Variants in ATF7IP2 observed in about 807,000 individuals in gnomAD.
ATF7IP2 encodes the protein activating transcription factor 7 interacting protein 2, also known as activating transcription factor 7-interacting protein 2.
Under a neutral mutation model 64.2 loss-of-function variants are expected in ATF7IP2, and 42 were observed. The observed-to-expected ratio is 0.65, with a 90% CI of 0.51 to 0.85. The LOEUF is 0.85. Among genes scored for constraint, ATF7IP2 ranks in the 40% least tolerant of loss-of-function variants. The pLI is 0.00. For synonymous variants in ATF7IP2, 308 were observed against 272.8 expected, an observed-to-expected ratio of 1.13 and a Z score of -1.27; for missense variants, 933 against 784.2, an observed-to-expected ratio of 1.19 and a Z score of -2.27.
At chr16:10,431,519 A>G (rs1278681103) in intron 5 of ATF7IP2, 64 bp downstream of exon 5, 1 of 1,126,856 alleles carries the variant, frequency 8.9e-7, no homozygotes, top group Non-Finnish European at 1.3e-6. Context: ...AGGGTATTTT[A>G]AAGTCTCAAA....
At chr16:10,393,646 G>C (rs1275900723) in intron 1 of ATF7IP2, among the ~76,000 whole-genome samples, 1 of 152,128 alleles carries the variant, frequency 6.6e-6, no homozygotes, top group Non-Finnish European at 1.5e-5. Context: ...TGCTCGGTAG[G>C]TTAGTTGTAC....
At chr16:10,403,601 G>A (rs1056845499) in intron 1 of ATF7IP2, among the ~76,000 whole-genome samples, 9 of 152,162 alleles carry the variant, frequency 5.9e-5, no homozygotes, top group African/African-American at 2.2e-4. Flanking sequence ...GAATTCCTTA[G>A]CAACAGATTC....
chr16:10,430,463 G>T, intron 4 of ATF7IP2, 148 bp from the exon 5 acceptor site: 1 of 568,490 alleles, frequency 1.8e-6, no homozygotes, highest in Non-Finnish European at 3.1e-6. Context: ...TCATGAAAAT[G>T]GATATGATTT....
intron 1 of ATF7IP2, among the ~76,000 whole-genome samples, chr16:10,405,319 G>A (rs1171815032): frequency 6.6e-6 from 1 of 151,606 alleles, no homozygotes; most frequent in African/African-American, 2.4e-5. Context: ...GCAGTGAGCC[G>A]AGATCATACC....
intron 9 of ATF7IP2, among the ~76,000 whole-genome samples, chr16:10,469,566 GA>G (rs2049711092): frequency 6.6e-6 from 1 of 152,090 alleles, no homozygotes; most frequent in Non-Finnish European, 1.5e-5. Context: ...ACATCACATA[GA>G]AAGGAACAGA....
intron 1 of ATF7IP2, among the ~76,000 whole-genome samples, chr16:10,408,830 G>A (rs111975471): frequency 3.9e-5 from 6 of 152,306 alleles, no homozygotes; most frequent in African/African-American, 1.2e-4. Context: ...CTGTGCAGAA[G>A]CTCTTTAGTT....
chr16:10,400,399 AAG>A (rs1220849468), intron 1 of ATF7IP2, among the ~76,000 whole-genome samples: 2 of 152,148 alleles, frequency 1.3e-5, no homozygotes, highest in Non-Finnish European at 2.9e-5. Context: ...AGTTTTTTGG[AAG>A]AGTCTTCAGG....
chr16:10,386,736 C>T (rs560233631), intron 1 of ATF7IP2: 2 of 152,296 alleles, frequency 1.3e-5, no homozygotes, highest in South Asian at 2.1e-4. Context: ...AAGACGATTT[C>T]CTTAAGGTAG....
intron 8 of ATF7IP2, among the ~76,000 whole-genome samples, chr16:10,442,004 T>A (rs1267339596): frequency 1.3e-5 from 2 of 152,256 alleles, no homozygotes; most frequent in African/African-American, 4.8e-5. Flanking sequence ...TTATTCCTAA[T>A]GCTGTTCCTG....
intron 12 of ATF7IP2, among the ~76,000 whole-genome samples, chr16:10,479,608 A>G (rs999293925): frequency 9.2e-5 from 14 of 152,034 alleles, no homozygotes; most frequent in Non-Finnish European, 1.6e-4. Flanking sequence ...ATATGTAACT[A>G]ACCTGCACAT....
intron 1 of ATF7IP2, among the ~76,000 whole-genome samples, chr16:10,393,367 C>T (rs1354450543): frequency 6.9e-6 from 1 of 145,236 alleles, no homozygotes; most frequent in East Asian, 2.0e-4. Flanking sequence ...AATCCTATGG[C>T]AGTAAAGGAA....
intron 10 of ATF7IP2, among the ~76,000 whole-genome samples, chr16:10,472,959 C>T (rs1193553198): frequency 2.6e-5 from 4 of 151,932 alleles, no homozygotes; most frequent in South Asian, 4.1e-4. Flanking sequence ...ATTCAAAATT[C>T]CCCATTTTCA....
At chr16:10,446,634 C>T (rs1341826567) in intron 8 of ATF7IP2, 2 of 152,122 alleles carry the variant, frequency 1.3e-5, no homozygotes, top group Non-Finnish European at 2.9e-5. Context: ...TTCCTGGGTC[C>T]GAATGAGACA....
At chr16:10,402,330 A>G (rs375889410) in intron 1 of ATF7IP2, among the ~76,000 whole-genome samples, 7 of 152,032 alleles carry the variant, frequency 4.6e-5, no homozygotes, top group South Asian at 2.1e-4. Context: ...CATTTTTACA[A>G]TGACTCAGTG....
intron 8 of ATF7IP2, among the ~76,000 whole-genome samples, chr16:10,455,230 A>C (rs1206272797): frequency 3.3e-5 from 5 of 152,220 alleles, no homozygotes; most frequent in African/African-American, 1.2e-4. Context: ...GATGATGGGT[A>C]GTTAATCCTG....
chr16:10,457,009 G>A (rs190829008), intron 8 of ATF7IP2, among the ~76,000 whole-genome samples: 367 of 152,266 alleles, frequency 2.4e-3, no homozygotes, highest in African/African-American at 8.5e-3. Context: ...AGCAATCTGA[G>A]TTATTTCTAG....
At chr16:10,408,393 T>C (rs2047685510) in intron 1 of ATF7IP2, among the ~76,000 whole-genome samples, 2 of 152,236 alleles carry the variant, frequency 1.3e-5, no homozygotes, top group African/African-American at 2.4e-5. Flanking sequence ...AGTTCTACTT[T>C]TAGTTCTTTA....
intron 1 of ATF7IP2, among the ~76,000 whole-genome samples, chr16:10,402,197 T>C (rs184327823): frequency 1.6e-4 from 24 of 152,192 alleles, no homozygotes; most frequent in African/African-American, 5.3e-4. Context: ...TTGAACTGTT[T>C]TTTTGATGGA....
chr16:10,447,895 A>G (rs1567475908), intron 8 of ATF7IP2: 1 of 152,206 alleles, frequency 6.6e-6, no homozygotes, highest in African/African-American at 2.4e-5. Flanking sequence ...TAAGGCTTTT[A>G]TGGTTTTAGG....
Sources: gnomAD v4.1 joint callset for allele counts (sites outside exome capture counted in the v4.1 genomes callset) on GRCh38, gnomAD v4.1.1 for gene constraint, MANE v1.5 for transcripts, NCBI Gene and HGNC (gene_info 2026-07-23, HGNC 2026-07-21) for gene names.